TOM1L2: variants seen among roughly 807,000 people sequenced by gnomAD.
The protein encoded by TOM1L2 is target of myb1 like 2 membrane trafficking protein, also known as TOM1-like protein 2.
Under a neutral mutation model 67.9 loss-of-function variants are expected in TOM1L2, and 31 were observed. The ratio of observed to expected loss-of-function variants is 0.46; its 90% confidence interval spans 0.34 to 0.62. TOM1L2 has a LOEUF of 0.62. TOM1L2 is among the 20% of genes least tolerant of loss of function. TOM1L2 has a pLI of 0.01. For synonymous variants in TOM1L2, 256 were observed against 254.0 expected (o/e 1.01, Z -0.07); for missense variants, 606 against 663.5 (o/e 0.91, Z 0.95).
rs562794425 is a variant in TOM1L2, at chr17:17,899,460, T to C, written c.138-786A>G. Among the ~76,000 whole-genome samples the C allele has an allele frequency of 3.9e-4, 59 of 152,260 alleles. 1 individual carries two copies. Among genetic ancestry groups the C allele is most frequent in the African/African-American group, 1.4e-3 (57 of 41,550 alleles). On this transcript the variant is annotated intron_variant, in intron 2 of 14. Transcript: ENST00000379504. ...AATGGGCTCTGTCCAAAAGTTGGAG[T>C]GGAGCTGTTTGGAAGTTGGAGTGAG...
chr17:17,946,469 A>G (rs1384421513), intron 1 of TOM1L2, among the ~76,000 whole-genome samples: 3 of 152,206 alleles, frequency 2.0e-5, no homozygotes, highest in Non-Finnish European at 2.9e-5. Flanking sequence ...TACAATATAT[A>G]GCTGTTTGTG....
chr17:17,866,990 T>C (rs974112593), intron 8 of TOM1L2, 66 bp from the exon 9 acceptor site: 3 of 1,481,044 alleles, frequency 2.0e-6, no homozygotes, highest in African/African-American at 2.8e-5. Context: ...TGTGGGGTGC[T>C]CACTAGTCCT....
chr17:17,924,565 T>C (rs1156509901), intron 1 of TOM1L2, among the ~76,000 whole-genome samples: 1 of 152,084 alleles, frequency 6.6e-6, no homozygotes, highest in African/African-American at 2.4e-5. Flanking sequence ...GCCCAGGAGT[T>C]TGAGACCAGC....
At chr17:17,962,648 A>G (rs1341930142) in intron 1 of TOM1L2, among the ~76,000 whole-genome samples, 1 of 152,130 alleles carries the variant, frequency 6.6e-6, no homozygotes. Flanking sequence ...TGAACTGCAC[A>G]CTTAAAACCA....
In TOM1L2 at chr17:17,869,327, A is replaced by C. The variant is rs750897013; in HGVS notation, c.911+13T>G. 5.0e-6 allele frequency: 8 copies of C among 1,609,062 alleles called. No individual in the cohort carries two copies. Among genetic ancestry groups the C allele is most frequent in the Non-Finnish European group, 1.7e-6 (2 of 1,179,830 alleles). ...TCAAGGGAAAAAAAAAAAAAAAGAA[A>C]TCCGGCTCCCACCTCTCGTATCGAA... is the stretch of plus-strand genomic sequence containing the variant. On this transcript the variant is annotated intron_variant, in intron 8 of 14. Transcript: ENST00000379504.
At chr17:17,922,490 G>C (rs763035617) in intron 1 of TOM1L2, among the ~76,000 whole-genome samples, 27 of 152,302 alleles carry the variant, frequency 1.8e-4, no homozygotes, top group Admixed American at 1.0e-3. Flanking sequence ...CTGCAGGCAG[G>C]AAGCAGGGGG....
intron 1 of TOM1L2, among the ~76,000 whole-genome samples, chr17:17,925,836 C>A (rs1257722667): frequency 7.0e-6 from 1 of 143,624 alleles, no homozygotes; most frequent in Non-Finnish European, 1.5e-5. Context: ...GCCTGGGTGA[C>A]ACAGTGAGAC....
chr17:17,913,512 A>T (rs889130370), intron 1 of TOM1L2, among the ~76,000 whole-genome samples: 2 of 152,140 alleles, frequency 1.3e-5, no homozygotes, highest in East Asian at 3.9e-4. Flanking sequence ...TTTTATGAAG[A>T]GAAAAATCAG....
chr17:17,895,098 A>C (rs2038498474), intron 3 of TOM1L2, among the ~76,000 whole-genome samples: 1 of 152,148 alleles, frequency 6.6e-6, no homozygotes, highest in Non-Finnish European at 1.5e-5. Flanking sequence ...CACACGACGA[A>C]GGGGATGGCC....
chr17:17,910,296 C>A (rs1362552700), intron 1 of TOM1L2, among the ~76,000 whole-genome samples: 3 of 152,172 alleles, frequency 2.0e-5, no homozygotes, highest in Admixed American at 6.5e-5. Flanking sequence ...GACTCCCTTC[C>A]CCCTCTGGGA....
chr17:17,888,810 G>A (rs187562380), intron 4 of TOM1L2, among the ~76,000 whole-genome samples: 10 of 152,370 alleles, frequency 6.6e-5, no homozygotes, highest in Non-Finnish European at 4.4e-5. Flanking sequence ...AAGGCTCAGG[G>A]ATGGCATAGA....
intron 11 of TOM1L2, chr17:17,862,249 A>T (rs1357978147): frequency 6.5e-6 from 1 of 153,706 alleles, no homozygotes; most frequent in Non-Finnish European, 1.4e-5. Flanking sequence ...CTCTTTTGGA[A>T]TCAACTCCCT....
At position 17,846,489 on chromosome 17, in the gene TOM1L2, C is replaced by T. The variant is rs1039973100; in HGVS notation, c.*1146G>A. ...TACCAGCCCCTAGCTGCTCTGCCTG[C>T]CTTCAGGATCAGCTTGGGGAGAGAG... On this transcript the variant is annotated 3_prime_UTR_variant, in exon 15 of 15. Coordinates refer to ENST00000379504, the MANE Select transcript of TOM1L2 (RefSeq NM_001082968.2). The T allele has an allele frequency of 6.6e-6, 1 of 152,364 alleles. No homozygotes were observed. Among genetic ancestry groups the T allele is most frequent in the Admixed American group, 6.5e-5 (1 of 15,284 alleles). 9.4% of individuals were successfully genotyped at this position (152,364 alleles called of 1,614,324 possible).
At chr17:17,852,442 CTG>C (rs2036027468) in intron 12 of TOM1L2, among the ~76,000 whole-genome samples, 1 of 152,214 alleles carries the variant, frequency 6.6e-6, no homozygotes, top group Admixed American at 6.5e-5. Flanking sequence ...GGAATGTGCT[CTG>C]TGTCCTAACT....
chr17:17,890,496 C>T (rs1157375254), intron 4 of TOM1L2, among the ~76,000 whole-genome samples: 1 of 152,192 alleles, frequency 6.6e-6, no homozygotes, highest in Non-Finnish European at 1.5e-5. Flanking sequence ...ACAGTACCCC[C>T]AAACTGCAAA....
intron 1 of TOM1L2, among the ~76,000 whole-genome samples, chr17:17,914,761 G>T (rs1189281475): frequency 1.3e-5 from 2 of 152,154 alleles, no homozygotes; most frequent in Admixed American, 6.5e-5. Context: ...ACTATTTGGG[G>T]GTGGGGTTGC....
intron 1 of TOM1L2, among the ~76,000 whole-genome samples, chr17:17,923,397 A>G (rs1405443265): frequency 6.6e-6 from 1 of 151,980 alleles, no homozygotes; most frequent in African/African-American, 2.4e-5. Flanking sequence ...GTGAAACTCC[A>G]TCTCAAACAA....
At chr17:17,939,935 T>C (rs747069422) in intron 1 of TOM1L2, among the ~76,000 whole-genome samples, 2 of 152,126 alleles carry the variant, frequency 1.3e-5, no homozygotes, top group African/African-American at 4.8e-5. Context: ...CTCATGCCTG[T>C]AAATCCTAGC....
At chr17:17,877,206 T>C (rs1024627274) in intron 7 of TOM1L2, among the ~76,000 whole-genome samples, 2 of 152,240 alleles carry the variant, frequency 1.3e-5, no homozygotes, top group Non-Finnish European at 2.9e-5. Context: ...CTTTGCGATG[T>C]GCAGGAGGCA....
Sources: gnomAD v4.1 joint callset for allele counts (sites outside exome capture counted in the v4.1 genomes callset) on GRCh38, gnomAD v4.1.1 for gene constraint, MANE v1.5 for transcripts, NCBI Gene and HGNC (gene_info 2026-07-23, HGNC 2026-07-21) for gene names.